Variants in GDPD5 observed in about 807,000 individuals in gnomAD.
GDPD5 encodes the protein glycerophosphodiester phosphodiesterase 2.
A neutral mutation model predicts 75.1 loss-of-function variants in GDPD5; 48 were observed. That is an observed-to-expected ratio of 0.64 (90% CI 0.51 to 0.81). The LOEUF (loss-of-function observed/expected upper bound fraction) is 0.81. GDPD5 is among the 40% of genes least tolerant of loss of function. The pLI is 0.00. For synonymous variants in GDPD5, 336 were observed against 339.0 expected (o/e 0.99, Z 0.10); for missense variants, 706 against 822.6 (o/e 0.86, Z 1.73).
At chr11:75,522,003 T>C (rs1230436643) in intron 1 of GDPD5, among the ~76,000 whole-genome samples, 1 of 152,110 alleles carries the variant, frequency 6.6e-6, no homozygotes, top group Non-Finnish European at 1.5e-5. Context: ...ATGTGAGTTC[T>C]GTCTAACATT....
At chr11:75,502,136 CT>C (rs906237872) in intron 1 of GDPD5, among the ~76,000 whole-genome samples, 2 of 152,202 alleles carry the variant, frequency 1.3e-5, no homozygotes, top group Non-Finnish European at 2.9e-5. Flanking sequence ...ACACGCAAAA[CT>C]TTTTTCAACC....
At chr11:75,518,621 C>A (rs117544695) in intron 1 of GDPD5, among the ~76,000 whole-genome samples, 5 of 152,178 alleles carry the variant, frequency 3.3e-5, no homozygotes, top group African/African-American at 1.2e-4. Flanking sequence ...TCCTGCCACA[C>A]GCCTTTCTAA....
intron 1 of GDPD5, among the ~76,000 whole-genome samples, chr11:75,519,967 T>C (rs1950721930): frequency 6.6e-6 from 1 of 152,246 alleles, no homozygotes; most frequent in Non-Finnish European, 1.5e-5. Context: ...TTCTCCCACC[T>C]GGGTCATTTC....
At position 75,509,804 on chromosome 11, in the gene GDPD5, C is replaced by T. The variant is rs533778572; in HGVS notation, c.-145+15406G>A. On this transcript the variant is annotated intron_variant, in intron 1 of 16. Coordinates refer to ENST00000336898, the MANE Select transcript of GDPD5 (RefSeq NM_030792.8). ...CAGCGATTCTCCTGCCTCAGCCTCC[C>T]GAGGAGCTGGGATTACAGGCACGCA... Among the ~76,000 whole-genome samples the T allele has an allele frequency of 1.8e-4, 28 of 152,260 alleles. No homozygotes were observed. In the South Asian group the frequency reaches 3.9e-3, roughly 21 times the overall value.
intron 1 of GDPD5, among the ~76,000 whole-genome samples, chr11:75,523,600 A>AC (rs1941548432): frequency 1.3e-5 from 2 of 152,256 alleles, no homozygotes; most frequent in Non-Finnish European, 2.9e-5. Flanking sequence ...CCATGGATGC[A>AC]TCAAGAGGTC....
Position 75,435,509 on chromosome 11 carries a change from A to G in GDPD5, c.1816T>C (p.Ter606GlnextTer102), listed in dbSNP as rs779919308. ...AGGTGGGACAGACATGTCTTCAGCT[A>G]ACGCCCACTCCGCTCTATGAGGGTC... Reference protein sequence around the residue: ...TKTLIERSGR* With the variant: ...TKTLIERSGRQ Residue 606 changes from the stop codon to glutamine (Q), a stop_lost, in exon 17 of 17, where the codon TAG becomes CAG. Coordinates refer to ENST00000336898, the MANE Select transcript of GDPD5 (RefSeq NM_030792.8). 1 of 1,601,080 alleles carries G rather than the reference A, an allele frequency of 6.2e-7. No homozygotes were observed. The highest frequency in any genetic ancestry group is 1.1e-5 in the South Asian group (1 of 89,186).
intron 6 of GDPD5, among the ~76,000 whole-genome samples, chr11:75,452,648 G>A (rs1223742342): frequency 1.3e-5 from 2 of 152,214 alleles, no homozygotes; most frequent in African/African-American, 2.4e-5. Flanking sequence ...CTGCTGGAGG[G>A]ACAGAGGCTG....
At position 75,442,668 on chromosome 11, in the gene GDPD5, C is replaced by G; in HGVS notation, c.949-87G>C. On this transcript the variant is annotated intron_variant, in intron 11 of 16. Transcript: ENST00000336898. ...CCTTCTGGCAACCAAGCGTGGAGACCCCTGGGCTGCCAGAGTCTGCTGGGG... is the reference window on the plus strand; with the variant it reads ...CCTTCTGGCAACCAAGCGTGGAGACGCCTGGGCTGCCAGAGTCTGCTGGGG... 8 of 1,185,628 alleles carry G rather than the reference C, an allele frequency of 6.7e-6. No homozygotes were observed. In the South Asian group the frequency reaches 1.1e-4, roughly 16 times the overall value. The allele number at this position is 1,185,628 out of a possible 1,614,324, so 73.4% of individuals were successfully genotyped here. A position where few individuals can be genotyped will look rare whatever the true frequency, so the allele number is the denominator to read the frequency against.
intron 1 of GDPD5, among the ~76,000 whole-genome samples, chr11:75,495,017 C>A (rs1950184763): frequency 6.6e-6 from 1 of 151,834 alleles, no homozygotes; most frequent in African/African-American, 2.4e-5. Context: ...TCTGTAATCT[C>A]AGCACTTTGG....
chr11:75,449,152 G>C, intron 8 of GDPD5, 30 bp from the exon 9 acceptor site: 1 of 1,551,634 alleles, frequency 6.4e-7, no homozygotes. Flanking sequence ...AGTGCTGCCT[G>C]GTGAGCCCTG....
intron 3 of GDPD5, 102 bp from the exon 4 acceptor site, chr11:75,462,991 C>T: frequency 1.1e-6 from 1 of 909,224 alleles, no homozygotes; most frequent in Admixed American, 2.2e-5. Flanking sequence ...TGTAGCCAAA[C>T]CTGCCAGGCA....
chr11:75,522,691 C>T (rs543178175), intron 1 of GDPD5, among the ~76,000 whole-genome samples: 2 of 152,234 alleles, frequency 1.3e-5, no homozygotes, highest in African/African-American at 4.8e-5. Context: ...AGACTGCTAA[C>T]AGCACAGACA....
intron 1 of GDPD5, among the ~76,000 whole-genome samples, chr11:75,524,005 G>T (rs1188436236): frequency 2.6e-5 from 4 of 152,192 alleles, no homozygotes; most frequent in Non-Finnish European, 5.9e-5. Flanking sequence ...TCCCCACACA[G>T]AATAAGAGCC....
chr11:75,501,083 C>A (rs547369606), intron 1 of GDPD5, among the ~76,000 whole-genome samples: 1 of 152,238 alleles, frequency 6.6e-6, no homozygotes, highest in Non-Finnish European at 1.5e-5. Context: ...GGGTCCCCAA[C>A]ACCGAGGCCA....
At chr11:75,436,297 C>T (rs2135106434) in intron 16 of GDPD5, among the ~76,000 whole-genome samples, 1 of 152,266 alleles carries the variant, frequency 6.6e-6, no homozygotes, top group East Asian at 1.9e-4. Context: ...AGCGGTGCTC[C>T]CTTGCCACCT....
chr11:75,498,224 C>A lies in GDPD5; in HGVS notation c.-144-7904G>T, dbSNP rs536075114. 6.5e-4 allele frequency among the ~76,000 whole-genome samples: 99 copies of A among 152,294 alleles called. 2 individuals carry two copies. Among genetic ancestry groups the A allele is most frequent in the African/African-American group, 2.3e-3 (94 of 41,572 alleles). ...TGAGGGCTAACCCAGGCTGACATCA[C>A]CAGTGAAAGTGAGAGTCACATAGTC... On this transcript the variant is annotated intron_variant, in intron 1 of 16. Coordinates refer to ENST00000336898, the MANE Select transcript of GDPD5 (RefSeq NM_030792.8).
At chr11:75,448,776 C>G (rs1166998952) in intron 9 of GDPD5, 8 of 1,212,452 alleles carry the variant, frequency 6.6e-6, no homozygotes, top group Non-Finnish European at 8.5e-6. Flanking sequence ...AAACTGAAAT[C>G]TTTTTAGCAA....
intron 1 of GDPD5, among the ~76,000 whole-genome samples, chr11:75,497,723 T>G (rs564893038): frequency 3.5e-4 from 53 of 152,338 alleles, no homozygotes; most frequent in African/African-American, 1.2e-3. Context: ...GGTGCCTGGC[T>G]CAGTTCATCC....
At chr11:75,439,632 A>G (rs1219656857) in intron 15 of GDPD5, among the ~76,000 whole-genome samples, 1 of 152,138 alleles carries the variant, frequency 6.6e-6, no homozygotes, top group African/African-American at 2.4e-5. Context: ...AGGAGCTGAA[A>G]TTCACCTAAG....
Sources: gnomAD v4.1 joint callset for allele counts (sites outside exome capture counted in the v4.1 genomes callset) on GRCh38, gnomAD v4.1.1 for gene constraint, MANE v1.5 for transcripts, NCBI Gene and HGNC (gene_info 2026-07-23, HGNC 2026-07-21) for gene names.